The following BRAF variants were observed in gnomAD, a reference collection of about 807,000 sequenced individuals.
The protein encoded by BRAF is B-Raf proto-oncogene, serine/threonine kinase, also known as serine/threonine-protein kinase B-raf.
In BRAF, 16 loss-of-function variants were observed where a neutral mutation model predicts 104.6. That is an observed-to-expected ratio of 0.15 (90% CI 0.10 to 0.23). The LOEUF (loss-of-function observed/expected upper bound fraction) is 0.23, where lower values mean the gene tolerates loss of function less well. Among genes scored for constraint, BRAF ranks in the 10% least tolerant of loss-of-function variants. The pLI is 1.00. For synonymous variants in BRAF, 310 were observed against 341.6 expected (o/e 0.91, Z 1.02); for missense variants, 541 against 937.3 (o/e 0.58, Z 5.52).
At chr7:140,793,986 T>G (rs1802269379) in intron 8 of BRAF, among the ~76,000 whole-genome samples, 1 of 152,228 alleles carries the variant, frequency 6.6e-6, no homozygotes, top group Non-Finnish European at 1.5e-5. Context: ...TTATAAAAGT[T>G]TTAAAGAACT....
intron 1 of BRAF, among the ~76,000 whole-genome samples, chr7:140,872,907 C>A (rs1373848462): frequency 6.6e-6 from 1 of 151,870 alleles, no homozygotes; most frequent in Non-Finnish European, 1.5e-5. Context: ...AAGAAAGTAC[C>A]AATAAAATTC....
chr7:140,884,418 AT>A (rs1371809502), intron 1 of BRAF, among the ~76,000 whole-genome samples: 1 of 142,496 alleles, frequency 7.0e-6, no homozygotes, highest in African/African-American at 2.6e-5. Flanking sequence ...TCTCTTATAT[AT>A]ATATAAGATA....
At chr7:140,763,485 G>A (rs910021027) in intron 14 of BRAF, among the ~76,000 whole-genome samples, 15 of 152,274 alleles carry the variant, frequency 9.9e-5, no homozygotes, top group Admixed American at 4.6e-4. Context: ...CCTCCTTCCC[G>A]GACGGGGCGG....
intron 5 of BRAF, among the ~76,000 whole-genome samples, chr7:140,802,099 A>T (rs1803182305): frequency 6.6e-6 from 1 of 152,162 alleles, no homozygotes; most frequent in East Asian, 1.9e-4. Context: ...TGATATCTAA[A>T]GTTAATAAAG....
At chr7:140,888,595 G>A (rs2129112467) in intron 1 of BRAF, among the ~76,000 whole-genome samples, 1 of 152,220 alleles carries the variant, frequency 6.6e-6, no homozygotes, top group South Asian at 2.1e-4. Context: ...CCAGCACTCT[G>A]GAAGCTGAGG....
chr7:140,909,133 T>C (rs1319218538), intron 1 of BRAF, among the ~76,000 whole-genome samples: 2 of 152,100 alleles, frequency 1.3e-5, no homozygotes, highest in South Asian at 4.1e-4. Context: ...TACCCTTAAA[T>C]GTAATTCAGA....
intron 19 of BRAF, among the ~76,000 whole-genome samples, chr7:140,729,791 T>A (rs927083128): frequency 6.6e-6 from 1 of 151,776 alleles, no homozygotes; most frequent in African/African-American, 2.4e-5. Flanking sequence ...AACAAAAAAA[T>A]TACCAGGGTG....
chr7:140,870,685 A>G (rs1372726927), intron 1 of BRAF, among the ~76,000 whole-genome samples: 1 of 151,652 alleles, frequency 6.6e-6, no homozygotes, highest in East Asian at 1.9e-4. Flanking sequence ...GTCAGTTTTT[A>G]GTTTCCTGAA....
chr7:140,726,148 C>T lies in BRAF; in HGVS notation c.*346G>A. On this transcript the variant is annotated 3_prime_UTR_variant, in exon 20 of 20. Transcript: ENST00000644969. ...TAGAAGGGCAAAGTTGACTGGCAGA[C>T]TTTCCATAGCAAATCTCCCAAGCTG... The T allele has an allele frequency of 3.6e-6, 4 of 1,125,576 alleles. No individual in the cohort carries two copies. The highest frequency in any genetic ancestry group is 4.4e-6 in the Non-Finnish European group (4 of 919,176). The allele number at this position is 1,125,576 out of a possible 1,614,324, so 69.7% of individuals were successfully genotyped here.
intron 2 of BRAF, among the ~76,000 whole-genome samples, chr7:140,845,687 T>C (rs2129070381): frequency 6.6e-6 from 1 of 152,252 alleles, no homozygotes; most frequent in Admixed American, 6.5e-5. Context: ...TGCCTTGTTT[T>C]GTTTTGTTTG....
intron 1 of BRAF, among the ~76,000 whole-genome samples, chr7:140,891,934 A>G (rs866005669): frequency 1.3e-5 from 2 of 152,202 alleles, no homozygotes; most frequent in African/African-American, 4.8e-5. Flanking sequence ...AATGTTCCAT[A>G]GTCAAGGAAG....
At chr7:140,795,011 C>T (rs1448749474) in intron 7 of BRAF, among the ~76,000 whole-genome samples, 1 of 152,032 alleles carries the variant, frequency 6.6e-6, no homozygotes, top group Non-Finnish European at 1.5e-5. Context: ...GAAGATGATC[C>T]TCAGAGTGCC....
chr7:140,821,324 G>C (rs1400165127), intron 3 of BRAF, among the ~76,000 whole-genome samples: 2 of 131,680 alleles, frequency 1.5e-5, no homozygotes, highest in African/African-American at 5.6e-5. Context: ...TTTTGAGACA[G>C]AGTCTCGCTC....
chr7:140,782,819 A>G (rs985658692), intron 11 of BRAF, among the ~76,000 whole-genome samples: 1 of 152,216 alleles, frequency 6.6e-6, no homozygotes, highest in Admixed American at 6.5e-5. Flanking sequence ...ACTGCCTTTT[A>G]CTAAATTATA....
chr7:140,769,334 T>C (rs1799622086), intron 14 of BRAF, among the ~76,000 whole-genome samples: 1 of 152,000 alleles, frequency 6.6e-6, no homozygotes, highest in African/African-American at 2.4e-5. Flanking sequence ...TGCCTTGGCC[T>C]TCCAAGGTGC....
chr7:140,727,906 C>A (rs191244149), intron 19 of BRAF, among the ~76,000 whole-genome samples: 5 of 152,338 alleles, frequency 3.3e-5, no homozygotes, highest in African/African-American at 1.2e-4. Flanking sequence ...CACGCATGAG[C>A]CACCATGCCC....
chr7:140,852,679 C>G (rs1304476404), intron 1 of BRAF, among the ~76,000 whole-genome samples: 1 of 152,164 alleles, frequency 6.6e-6, no homozygotes, highest in Non-Finnish European at 1.5e-5. Context: ...TATATGCCAA[C>G]TATGAACTGA....
chr7:140,766,211 G>A (rs980382862), intron 14 of BRAF, among the ~76,000 whole-genome samples: 13 of 151,656 alleles, frequency 8.6e-5, no homozygotes, highest in African/African-American at 2.7e-4. Context: ...AACACCGCAT[G>A]TTCTCACTCA....
At chr7:140,914,140 TAAA>T (rs886516832) in intron 1 of BRAF, among the ~76,000 whole-genome samples, 2 of 152,346 alleles carry the variant, frequency 1.3e-5, no homozygotes, top group African/African-American at 4.8e-5. Context: ...TCTTTTGTCT[TAAA>T]AATCAACAGA....
Sources: allele counts gnomAD v4.1 joint callset (sites outside exome capture counted in the v4.1 genomes callset), GRCh38; gene constraint gnomAD v4.1.1; transcripts MANE v1.5; gene names NCBI Gene and HGNC (gene_info 2026-07-23, HGNC 2026-07-21).